The following UHRF1 variants were observed in gnomAD, a reference collection of about 807,000 sequenced individuals.
UHRF1 encodes the protein ubiquitin like with PHD and ring finger domains 1, also known as E3 ubiquitin-protein ligase UHRF1.
Under a neutral mutation model 96.5 loss-of-function variants are expected in UHRF1, and 9 were observed. That is an observed-to-expected ratio of 0.09 (90% CI 0.06 to 0.16). The LOEUF (loss-of-function observed/expected upper bound fraction) is 0.16, where lower values mean the gene tolerates loss of function less well. Among genes scored for constraint, UHRF1 ranks in the 10% least tolerant of loss-of-function variants. UHRF1 has a pLI of 1.00. For missense variants in UHRF1, 626 were observed against 1,131.1 expected, an observed-to-expected ratio of 0.55 and a Z score of 6.40; for synonymous variants, 455 against 469.9, an observed-to-expected ratio of 0.97 and a Z score of 0.41.
intron 11 of UHRF1, 120 bp from the exon 12 acceptor site, chr19:4,950,491 A>G (rs1034017385): frequency 2.8e-6 from 3 of 1,079,438 alleles, no homozygotes; most frequent in Non-Finnish European, 1.3e-6. Context: ...CGATCTGCCT[A>G]CTTCAGCCTC....
rs763056619 is a variant in UHRF1, at chr19:4,954,446, T to C, written c.1915T>C (p.Ser639Pro). ...GGAGCAGCAGGAGGGGGGCTTCGCG[T>C]CCCCCAGGACGGGCAAGGGCAAGTG... Reference protein sequence around the residue: ...EEEQQEGGFASPRTGKGKWKR... With the variant: ...EEEQQEGGFAPPRTGKGKWKR... The change falls in exon 14 of 17, where the codon TCC (serine) becomes CCC (proline). Residue 639 changes from serine to proline, a missense_variant. By Grantham distance (74) the Ser-to-Pro change is moderately conservative. Coordinates refer to ENST00000650932, the MANE Select transcript of UHRF1 (RefSeq NM_001048201.3). This position sits in a 1 kb window ranked among gnomAD's most constrained non-coding sequence, Gnocchi z 5.9. The C allele has an allele frequency of 1.2e-6, 2 of 1,612,328 alleles. No individual in the cohort carries two copies. Among genetic ancestry groups the C allele is most frequent in the Non-Finnish European group, 1.7e-6 (2 of 1,179,216 alleles).
intron 5 of UHRF1, 67 bp from the exon 6 acceptor site, chr19:4,941,461 C>A: frequency 2.3e-6 from 3 of 1,298,304 alleles, no homozygotes; most frequent in Admixed American, 2.0e-5. Flanking sequence ...CCGTGGTGTT[C>A]AAGTGCTGTG....
chr19:4,906,733 C>G (rs2032071484), upstream of UHRF1, among the ~76,000 whole-genome samples: 1 of 151,922 alleles, frequency 6.6e-6, no homozygotes. Flanking sequence ...AGGCTGGGCA[C>G]CAAAGCAAGA....
intron 2 of UHRF1, among the ~76,000 whole-genome samples, chr19:4,916,351 C>T (rs1252787781): frequency 6.6e-6 from 1 of 151,848 alleles, no homozygotes; most frequent in African/African-American, 2.4e-5. Flanking sequence ...AAATTCAGAG[C>T]ACAAGAAGAC....
At chr19:4,955,108 G>A (rs2033822763) in intron 15 of UHRF1, among the ~76,000 whole-genome samples, 2 of 150,862 alleles carry the variant, frequency 1.3e-5, no homozygotes, top group Non-Finnish European at 3.0e-5. Context: ...CCCCAGCTCC[G>A]GCACCCCCTG....
At chr19:4,956,687 C>G in intron 15 of UHRF1, 22 bp from the exon 16 acceptor site, 2 of 1,544,394 alleles carry the variant, frequency 1.3e-6, no homozygotes. Context: ...TCTTTGCCGG[C>G]CTCACACCCG....
chr19:4,951,081 C>T, intron 13 of UHRF1, 85 bp downstream of exon 13: 1 of 1,439,544 alleles, frequency 6.9e-7, no homozygotes, highest in Non-Finnish European at 9.1e-7. Flanking sequence ...GCCTGGCCAA[C>T]ATGGTGAAAC....
chr19:4,925,730 C>T (rs1042370566), intron 2 of UHRF1, among the ~76,000 whole-genome samples: 6 of 152,048 alleles, frequency 3.9e-5, no homozygotes, highest in Non-Finnish European at 8.8e-5. Flanking sequence ...CCATGTTGAC[C>T]AGGGTGGTCT....
chr19:4,917,301 GTTGTAT>G (rs1422179721), intron 2 of UHRF1, among the ~76,000 whole-genome samples: 1 of 151,892 alleles, frequency 6.6e-6, no homozygotes, highest in Non-Finnish European at 1.5e-5. Flanking sequence ...TAGTTATCAA[GTTGTAT>G]TTGTATTTAT....
At chr19:4,926,927 G>A (rs765187311) in intron 2 of UHRF1, among the ~76,000 whole-genome samples, 1 of 152,142 alleles carries the variant, frequency 6.6e-6, no homozygotes, top group Non-Finnish European at 1.5e-5. Context: ...GCCGGGCTTG[G>A]TGGCGGGTGC....
chr19:4,915,690 A>G (rs2032470562), intron 2 of UHRF1, among the ~76,000 whole-genome samples: 1 of 152,150 alleles, frequency 6.6e-6, no homozygotes, highest in East Asian at 1.9e-4. Context: ...AGCCTGGGCG[A>G]CAGAGCAAGA....
At position 4,935,761 on chromosome 19, in the gene UHRF1, T is replaced by G. The variant is rs573915459; in HGVS notation, c.785+2805T>G. ...GCTCTGCTGTATTTTATGGGTTAGG[T>G]TTAAGTGACAGCCCTGTCCATACTT... On this transcript the variant is annotated intron_variant, in intron 5 of 16. Coordinates refer to ENST00000650932, the MANE Select transcript of UHRF1 (RefSeq NM_001048201.3). Among the ~76,000 whole-genome samples, 3 of 152,136 alleles carry G rather than the reference T, an allele frequency of 2.0e-5. No individual in the cohort carries two copies. The South Asian group carries it at 6.2e-4, about 32-fold the overall frequency.
intron 2 of UHRF1, among the ~76,000 whole-genome samples, chr19:4,919,270 T>G (rs1306950045): frequency 6.6e-6 from 1 of 151,648 alleles, no homozygotes; most frequent in Non-Finnish European, 1.5e-5. Context: ...TACCTGAGAT[T>G]ACAGGCATGA....
intron 1 of UHRF1, among the ~76,000 whole-genome samples, chr19:4,904,164 G>C (rs985345092): frequency 1.3e-5 from 2 of 150,284 alleles, no homozygotes; most frequent in Non-Finnish European, 1.5e-5. Flanking sequence ...GCTAATTTTT[G>C]TTCTTTTTGT....
rs748730780 is a variant in UHRF1 at position 4,960,827 on chromosome 19, G to A, written c.*24G>A. 1.1e-5 allele frequency: 15 copies of A among 1,403,758 alleles called. No homozygotes were observed. The highest frequency in any genetic ancestry group is 2.0e-5 in the Admixed American group (1 of 49,858). The allele number at this position is 1,403,758 out of a possible 1,614,324, so 87.0% of individuals were successfully genotyped here. On this transcript the variant is annotated 3_prime_UTR_variant, in exon 17 of 17. Coordinates refer to ENST00000650932, the MANE Select transcript of UHRF1 (RefSeq NM_001048201.3). ...GATCTCCAAGCACTTCTCGACAGGC[G>A]TTTTGCTGAAAACGTGTCGGAGGGC...
At chr19:4,908,300 C>T (rs2032114493), upstream of UHRF1, among the ~76,000 whole-genome samples, 1 of 152,128 alleles carries the variant, frequency 6.6e-6, no homozygotes, top group South Asian at 2.1e-4. Flanking sequence ...AGGGACATAG[C>T]AGAAGTCCCA....
chr19:4,928,941 G>T (rs541956064), intron 2 of UHRF1, among the ~76,000 whole-genome samples: 1 of 152,238 alleles, frequency 6.6e-6, no homozygotes, highest in African/African-American at 2.4e-5. Flanking sequence ...CCATGTGTGC[G>T]TGGTGCCCCG....
intron 16 of UHRF1, among the ~76,000 whole-genome samples, chr19:4,959,532 C>A (rs2033938982): frequency 6.6e-6 from 1 of 152,182 alleles, no homozygotes; most frequent in African/African-American, 2.4e-5. Flanking sequence ...CCGGTGGCAT[C>A]TTCCCTGTTT....
At chr19:4,941,476 G>C in intron 5 of UHRF1, 52 bp from the exon 6 acceptor site, 9 of 1,481,204 alleles carry the variant, frequency 6.1e-6, no homozygotes, top group Non-Finnish European at 8.4e-6. Context: ...GCTGTGAGTA[G>C]ATTTAGGGGC....
Sources: gnomAD v4.1 joint callset for allele counts (sites outside exome capture counted in the v4.1 genomes callset) on GRCh38, gnomAD v4.1.1 for gene constraint, Gnocchi (gnomAD v3.1) non-coding constraint, MANE v1.5 for transcripts, NCBI Gene and HGNC (gene_info 2026-07-23, HGNC 2026-07-21) for gene names.